Variants in ARPC1A observed in about 807,000 individuals in gnomAD.
The protein encoded by ARPC1A is actin related protein 2/3 complex subunit 1A.
In ARPC1A, 8 loss-of-function variants were observed where a neutral mutation model predicts 46.9. The ratio of observed to expected loss-of-function variants is 0.17; its 90% CI spans 0.10 to 0.31. The LOEUF is 0.31. ARPC1A is among the 10% of genes least tolerant of loss of function. The pLI is 1.00. For synonymous variants in ARPC1A, 152 were observed against 169.0 expected, an observed-to-expected ratio of 0.90 and a Z score of 0.78; for missense variants, 286 against 483.6, an observed-to-expected ratio of 0.59 and a Z score of 3.83.
chr7:99,331,560 A>T (rs1288156586), intron 1 of ARPC1A, among the ~76,000 whole-genome samples: 1 of 152,208 alleles, frequency 6.6e-6, no homozygotes, highest in Admixed American at 6.5e-5. Flanking sequence ...TCCATATGTA[A>T]TATCTAGTTT....
intron 8 of ARPC1A, among the ~76,000 whole-genome samples, chr7:99,363,015 A>G (rs1793770848): frequency 1.3e-5 from 2 of 152,084 alleles, no homozygotes; most frequent in African/African-American, 2.4e-5. Flanking sequence ...ATGCTTCATC[A>G]TGCCTCTGGT....
At chr7:99,334,438 A>G (rs1480657598) in intron 2 of ARPC1A, among the ~76,000 whole-genome samples, 1 of 152,054 alleles carries the variant, frequency 6.6e-6, no homozygotes, top group East Asian at 1.9e-4. Flanking sequence ...AAAAAGTCCA[A>G]TTTCGCTTAT....
chr7:99,348,918 C>T lies in ARPC1A; in HGVS notation c.459C>T (p.Asn153=), dbSNP rs1232672768. 9.9e-6 allele frequency: 16 copies of T among 1,613,988 alleles called. No homozygotes were observed. Among genetic ancestry groups the T allele is most frequent in the South Asian group, 8.8e-5 (8 of 91,086 alleles). ...STVLSLDWHP[N]NVLLAAGSCD... ...TCCTCAGCTTGGATTGGCATCCCAA[C>T]AACGTTTTGCTGGCAGCAGGATCAT... The change falls in exon 5 of 10, where the codon AAC becomes AAT. Residue 153 remains asparagine, a synonymous_variant. Coordinates refer to ENST00000262942, the MANE Select transcript of ARPC1A (RefSeq NM_006409.4).
chr7:99,329,497 A>T (rs1336147603), intron 1 of ARPC1A, among the ~76,000 whole-genome samples: 1 of 152,138 alleles, frequency 6.6e-6, no homozygotes, highest in African/African-American at 2.4e-5. Flanking sequence ...AGCTATTAGG[A>T]ATTTCTTCTG....
chr7:99,363,306 G>A (rs1035130060), intron 8 of ARPC1A, among the ~76,000 whole-genome samples: 2 of 152,112 alleles, frequency 1.3e-5, no homozygotes, highest in Non-Finnish European at 2.9e-5. Context: ...CTGGTGGAGC[G>A]TGGTGGCTTA....
intron 2 of ARPC1A, among the ~76,000 whole-genome samples, chr7:99,337,914 G>T (rs1458409439): frequency 6.6e-6 from 1 of 151,650 alleles, no homozygotes; most frequent in African/African-American, 2.4e-5. Flanking sequence ...TTTATTTTTC[G>T]CTGGTTAGAA....
intron 5 of ARPC1A, 124 bp downstream of exon 5, chr7:99,349,083 C>CAAA: frequency 2.1e-6 from 2 of 948,308 alleles, no homozygotes; most frequent in Non-Finnish European, 3.2e-6. Context: ...GACAGGGTCT[C>CAAA]ACTCTCACCC....
intron 6 of ARPC1A, among the ~76,000 whole-genome samples, chr7:99,354,807 C>G (rs1410171975): frequency 6.6e-6 from 1 of 152,034 alleles, no homozygotes; most frequent in Non-Finnish European, 1.5e-5. Flanking sequence ...CATGGTGAAA[C>G]CCTGTCTCTA....
intron 4 of ARPC1A, among the ~76,000 whole-genome samples, chr7:99,345,261 A>AC (rs1793427671): frequency 6.6e-6 from 1 of 152,028 alleles, no homozygotes; most frequent in Admixed American, 6.6e-5. Flanking sequence ...TTATTTGCCA[A>AC]CCAAATCTGT....
chr7:99,365,913 G>C lies in ARPC1A; in HGVS notation c.1097G>C (p.Gly366Ala). 6.3e-7 allele frequency: 1 copy of C among 1,575,116 alleles called. No individual in the cohort carries two copies. The highest frequency in any genetic ancestry group is 8.6e-7 in the Non-Finnish European group (1 of 1,158,264). The change falls in exon 10 of 10, where the codon GGC becomes GCC. Residue 366 changes from glycine (G) to alanine (A), a missense_variant. Physicochemically the swap from Gly to Ala is moderately conservative, Grantham distance 60. Coordinates refer to ENST00000262942, the MANE Select transcript of ARPC1A (RefSeq NM_006409.4). ...AAGACCCTCGAGTCTTCCATCCAGGGCCTCCGGATAATGTGAAGCTGAGTG... is the reference window on the plus strand; with the variant it reads ...AAGACCCTCGAGTCTTCCATCCAGGCCCTCCGGATAATGTGAAGCTGAGTG... ...DFKTLESSIQ[G>A]LRIM
At chr7:99,336,801 C>A (rs73395557) in intron 2 of ARPC1A, among the ~76,000 whole-genome samples, 18,468 of 151,802 alleles carry the variant, frequency 0.12, 1,545 homozygotes, top group East Asian at 0.35. Context: ...GCCCATAGAT[C>A]CTAATTTTAA....
At chr7:99,365,758 G>A (rs1239485148) in intron 9 of ARPC1A, 133 bp from the exon 10 acceptor site, 2 of 944,266 alleles carry the variant, frequency 2.1e-6, no homozygotes, top group Non-Finnish European at 3.2e-6. Flanking sequence ...GGGAGATCCT[G>A]TTTCAGGTGG....
At chr7:99,346,188 C>A (rs1793441365) in intron 4 of ARPC1A, among the ~76,000 whole-genome samples, 1 of 151,208 alleles carries the variant, frequency 6.6e-6, no homozygotes. Flanking sequence ...TGCACTCCAG[C>A]CTGGGCATCA....
At chr7:99,333,269 T>C (rs1793178751) in intron 1 of ARPC1A, 56 bp from the exon 2 acceptor site, 1 of 1,082,230 alleles carries the variant, frequency 9.2e-7, no homozygotes, top group South Asian at 1.3e-5. Context: ...ACTTAAACAT[T>C]GGTTACTTGC....
intron 8 of ARPC1A, among the ~76,000 whole-genome samples, chr7:99,362,186 C>G (rs527901616): frequency 1.3e-5 from 2 of 151,464 alleles, no homozygotes; most frequent in African/African-American, 4.8e-5. Flanking sequence ...CCCAGCTACT[C>G]GGGAGTCTGA....
chr7:99,338,578 G>T (rs1412957524), intron 3 of ARPC1A, among the ~76,000 whole-genome samples: 1 of 151,564 alleles, frequency 6.6e-6, no homozygotes, highest in East Asian at 1.9e-4. Context: ...GTAGAGATAG[G>T]TTTCACCATG....
intron 2 of ARPC1A, among the ~76,000 whole-genome samples, chr7:99,336,349 T>C (rs1227887866): frequency 6.6e-6 from 1 of 152,144 alleles, no homozygotes; most frequent in Non-Finnish European, 1.5e-5. Context: ...TAGGATTTTA[T>C]AGCTAGATAT....
At chr7:99,329,370 C>T (rs1323677464) in intron 1 of ARPC1A, among the ~76,000 whole-genome samples, 1 of 151,972 alleles carries the variant, frequency 6.6e-6, no homozygotes, top group Non-Finnish European at 1.5e-5. Flanking sequence ...CCCCTTTTCT[C>T]CCTCTCTAGC....
chr7:99,343,264 G>A lies in ARPC1A; in HGVS notation c.170-1029G>A, dbSNP rs557926646. Among the ~76,000 whole-genome samples the A allele has an allele frequency of 5.9e-5, 9 of 151,988 alleles. No homozygotes were observed. In the East Asian group the frequency reaches 7.7e-4, roughly 13 times the overall value. On this transcript the variant is annotated intron_variant, in intron 3 of 9. Transcript: ENST00000262942. ...GCAGATCGCCTGAAGTCAGGAGTTC[G>A]AGACCAGCCTGGTCAACATGGTGAA...
Sources: allele counts gnomAD v4.1 joint callset (sites outside exome capture counted in the v4.1 genomes callset), GRCh38; gene constraint gnomAD v4.1.1; transcripts MANE v1.5; gene names NCBI Gene and HGNC (gene_info 2026-07-23, HGNC 2026-07-21).